The following PSD3 variants were observed in gnomAD, a reference collection of about 807,000 sequenced individuals.
PSD3 encodes PH and SEC7 domain-containing protein 3.
In PSD3, 49 loss-of-function variants were observed where a neutral mutation model predicts 105.5. That is an observed-to-expected ratio of 0.46 (90% confidence interval 0.37 to 0.59). PSD3 has a LOEUF of 0.59. Ranked by LOEUF, PSD3 falls within the 20% of genes least tolerant of loss-of-function variation. PSD3 has a pLI of 0.00. For missense variants in PSD3, 1,561 were observed against 1,263.8 expected (o/e 1.24, Z -3.57); for synonymous variants, 557 against 457.8 (o/e 1.22, Z -2.77).
chr8:18,650,595 A>G (rs1017662816), intron 10 of PSD3, among the ~76,000 whole-genome samples: 1 of 152,150 alleles, frequency 6.6e-6, no homozygotes, highest in Non-Finnish European at 1.5e-5. Flanking sequence ...CCTCTCCCCT[A>G]AATCTCATGT....
At chr8:18,659,575 G>A (rs953479616) in intron 9 of PSD3, among the ~76,000 whole-genome samples, 2 of 152,176 alleles carry the variant, frequency 1.3e-5, no homozygotes, top group Non-Finnish European at 2.9e-5. Context: ...AAACCTTATA[G>A]CATCGTATAT....
chr8:18,547,005 T>C (rs1800489521), intron 15 of PSD3, among the ~76,000 whole-genome samples: 1 of 152,114 alleles, frequency 6.6e-6, no homozygotes, highest in Non-Finnish European at 1.5e-5. Flanking sequence ...CTTTGGTGGG[T>C]CATCTGGGCT....
At chr8:18,818,514 G>C (rs1336234975) in intron 4 of PSD3, among the ~76,000 whole-genome samples, 1 of 151,976 alleles carries the variant, frequency 6.6e-6, no homozygotes, top group Non-Finnish European at 1.5e-5. Context: ...CAAAGTGTTT[G>C]GTATTTTAAG....
chr8:18,702,565 T>C (rs1017111050), intron 9 of PSD3, among the ~76,000 whole-genome samples: 7 of 152,122 alleles, frequency 4.6e-5, no homozygotes, highest in African/African-American at 1.7e-4. Flanking sequence ...CTTTGGTTTG[T>C]GGTGGGAGCA....
chr8:19,076,831 A>AC (rs1339889320), intron 1 of PSD3, among the ~76,000 whole-genome samples: 15 of 151,868 alleles, frequency 9.9e-5, no homozygotes, highest in Admixed American at 9.8e-4. Flanking sequence ...CTATACAGCT[A>AC]CTGGTGCGAC....
At chr8:18,579,096 C>CCACACACACACACACA (rs3988324) in intron 12 of PSD3, among the ~76,000 whole-genome samples, 27 of 143,646 alleles carry the variant, frequency 1.9e-4, no homozygotes, top group South Asian at 1.1e-3. Context: ...AGCTCCAAGT[C>CCACACACACACACACA]CACACACACA....
At chr8:18,924,139 G>T (rs966023626) in intron 2 of PSD3, among the ~76,000 whole-genome samples, 1 of 152,090 alleles carries the variant, frequency 6.6e-6, no homozygotes, top group Non-Finnish European at 1.5e-5. Context: ...TGTGGAATAA[G>T]GTGGAACCTC....
At chr8:18,763,672 C>T (rs536033248) in intron 9 of PSD3, among the ~76,000 whole-genome samples, 2 of 151,972 alleles carry the variant, frequency 1.3e-5, no homozygotes, top group South Asian at 2.1e-4. Context: ...GAAGGAAAAC[C>T]GAACAGCACA....
intron 8 of PSD3, among the ~76,000 whole-genome samples, chr8:18,772,313 T>A (rs1807614984): frequency 6.6e-6 from 1 of 152,194 alleles, no homozygotes; most frequent in Non-Finnish European, 1.5e-5. Context: ...TCCAAGCTAT[T>A]TTCCACAGTG....
intron 9 of PSD3, among the ~76,000 whole-genome samples, chr8:18,690,591 C>T (rs1245369812): frequency 1.3e-5 from 2 of 152,212 alleles, no homozygotes; most frequent in African/African-American, 2.4e-5. Context: ...CCACATGAGG[C>T]CTGATACAGG....
At chr8:18,604,824 G>A (rs1804698137) in intron 11 of PSD3, among the ~76,000 whole-genome samples, 1 of 152,218 alleles carries the variant, frequency 6.6e-6, no homozygotes, top group Non-Finnish European at 1.5e-5. Context: ...TACAGCTTGG[G>A]CTGCTGCTAC....
chr8:18,581,955 T>C (rs1287870541), intron 12 of PSD3, among the ~76,000 whole-genome samples: 1 of 152,130 alleles, frequency 6.6e-6, no homozygotes, highest in East Asian at 1.9e-4. Flanking sequence ...ATGAGGCAGA[T>C]TGTGTGTAAC....
chr8:18,538,543 T>A (rs116249108), intron 15 of PSD3, among the ~76,000 whole-genome samples: 1 of 152,046 alleles, frequency 6.6e-6, no homozygotes, highest in Non-Finnish European at 1.5e-5. Flanking sequence ...TTTGGTAAAA[T>A]AGTCTAAAGG....
Position 18,892,681 on chromosome 8 carries a change from G to A in PSD3, c.131-19948C>T, listed in dbSNP as rs1048824322. On this transcript the variant is annotated intron_variant, in intron 2 of 15. Transcript: ENST00000327040. Reference sequence around the variant, plus strand: ...ACTCTGTCATCCAGGCTGGAGTGCCGTGGCGTCATCTTGGCTCACTGCAAT... The same window carrying A: ...ACTCTGTCATCCAGGCTGGAGTGCCATGGCGTCATCTTGGCTCACTGCAAT... Among the ~76,000 whole-genome samples the A allele has an allele frequency of 4.6e-4, 67 of 146,010 alleles. 1 individual carries two copies. Among genetic ancestry groups the A allele is most frequent in the Admixed American group, 4.0e-3 (58 of 14,354 alleles).
intron 8 of PSD3, among the ~76,000 whole-genome samples, chr8:18,785,174 T>A (rs1809020946): frequency 6.6e-6 from 1 of 152,170 alleles, no homozygotes; most frequent in South Asian, 2.1e-4. Context: ...CTGTATTTCT[T>A]ATTTGTCATA....
At chr8:18,612,874 C>T (rs200461993) in intron 11 of PSD3, among the ~76,000 whole-genome samples, 2 of 152,052 alleles carry the variant, frequency 1.3e-5, no homozygotes, top group East Asian at 3.9e-4. Flanking sequence ...AACTTTCTAC[C>T]CAAAAGATGA....
At chr8:18,860,329 T>A (rs763686615) in intron 4 of PSD3, among the ~76,000 whole-genome samples, 4 of 151,606 alleles carry the variant, frequency 2.6e-5, no homozygotes, top group Non-Finnish European at 5.9e-5. Flanking sequence ...ATAACAGTAA[T>A]GAAAAAGTCT....
chr8:18,557,267 C>G (rs1212922215), intron 14 of PSD3, among the ~76,000 whole-genome samples: 1 of 152,164 alleles, frequency 6.6e-6, no homozygotes, highest in Non-Finnish European at 1.5e-5. Context: ...TGAAACAGAT[C>G]TGACTAAATT....
intron 1 of PSD3, among the ~76,000 whole-genome samples, chr8:19,022,705 G>A (rs146582765): frequency 3.5e-3 from 527 of 152,246 alleles, no homozygotes; most frequent in African/African-American, 0.011. Context: ...ACTAGGCTTG[G>A]GGCTGGAGAG....
Sources: gnomAD v4.1 joint callset for allele counts (sites outside exome capture counted in the v4.1 genomes callset) on GRCh38, gnomAD v4.1.1 for gene constraint, MANE v1.5 for transcripts, NCBI Gene and HGNC (gene_info 2026-07-23, HGNC 2026-07-21) for gene names.